DYNC1I1: variants seen among roughly 807,000 people sequenced by gnomAD.
DYNC1I1 encodes the protein dynein cytoplasmic 1 intermediate chain 1, also known as cytoplasmic dynein 1 intermediate chain 1.
DYNC1I1 carries 43 observed loss-of-function variants against 86.6 expected under a neutral mutation model. That is an observed-to-expected ratio of 0.50 (90% CI 0.39 to 0.64). The LOEUF (loss-of-function observed/expected upper bound fraction) is 0.64. Ranked by LOEUF, DYNC1I1 falls within the 30% of genes least tolerant of loss-of-function variation. DYNC1I1 has a pLI of 0.00. For missense variants in DYNC1I1, 604 were observed against 788.8 expected, an observed-to-expected ratio of 0.77 and a Z score of 2.81; for synonymous variants, 262 against 283.7, an observed-to-expected ratio of 0.92 and a Z score of 0.77.
intron 4 of DYNC1I1, among the ~76,000 whole-genome samples, chr7:95,827,195 T>C (rs1319035054): frequency 6.6e-6 from 1 of 152,162 alleles, no homozygotes; most frequent in African/African-American, 2.4e-5. Flanking sequence ...AGAGGTAAGA[T>C]TTGAATCACA....
rs772727968 is a variant in DYNC1I1 at position 95,926,560 on chromosome 7, AT to A, written c.491-50949del. ...GGTTTTGTTTTTTATTTTTAGATGT[AT>A]TTATTTTTTCCCTTTGAGAAGGTAC... On this transcript the variant is annotated intron_variant, in intron 6 of 16. Coordinates refer to ENST00000447467, the MANE Select transcript of DYNC1I1 (RefSeq NM_001135556.2). 7.2e-5 allele frequency among the ~76,000 whole-genome samples: 11 copies of A among 152,240 alleles called. No homozygotes were observed. In the South Asian group the frequency reaches 2.1e-3, roughly 29 times the overall value.
intron 10 of DYNC1I1, among the ~76,000 whole-genome samples, chr7:96,001,083 CAT>C (rs1225043661): frequency 2.0e-5 from 3 of 152,164 alleles, no homozygotes; most frequent in Non-Finnish European, 4.4e-5. Context: ...AATGTGCACA[CAT>C]GTTGTCAACA....
chr7:96,084,604 G>T (rs572346723), intron 16 of DYNC1I1, among the ~76,000 whole-genome samples: 3 of 152,068 alleles, frequency 2.0e-5, no homozygotes, highest in South Asian at 4.1e-4. Flanking sequence ...TGTATTTTTA[G>T]TAGAGACAGG....
At position 96,080,308 on chromosome 7, in the gene DYNC1I1, T is replaced by C. The variant is rs180827299; in HGVS notation, c.1651-55T>C. The C allele has an allele frequency of 3.9e-6, 6 of 1,521,814 alleles. No individual in the cohort carries two copies. In the African/African-American group the frequency reaches 5.6e-5, roughly 14 times the overall value. The allele number at this position is 1,521,814 out of a possible 1,614,324, so 94.3% of individuals were successfully genotyped here. ...AGTTAAACGTATTATTGTAAATTTG[T>C]ATATTTAAATTCATATTCAGAGATT... On this transcript the variant is annotated intron_variant, in intron 15 of 16. Transcript: ENST00000447467.
chr7:95,909,242 G>A (rs1186509846), intron 6 of DYNC1I1, among the ~76,000 whole-genome samples: 12 of 39,698 alleles, frequency 3.0e-4, no homozygotes, highest in Non-Finnish European at 5.3e-4. Flanking sequence ...TGGGAGGGGG[G>A]TGGGGGGGGG....
intron 6 of DYNC1I1, among the ~76,000 whole-genome samples, chr7:95,931,572 T>C (rs1175663868): frequency 2.0e-5 from 3 of 152,224 alleles, no homozygotes; most frequent in Non-Finnish European, 2.9e-5. Context: ...CTAGTTTGTA[T>C]TGTTCTAGTT....
intron 14 of DYNC1I1, among the ~76,000 whole-genome samples, chr7:96,068,614 A>G (rs1283030988): frequency 2.6e-5 from 4 of 152,170 alleles, no homozygotes; most frequent in Non-Finnish European, 1.5e-5. Flanking sequence ...AAAACATAAA[A>G]TCTTCTAAAT....
rs150428189 is a variant in DYNC1I1, at chr7:95,946,460, TAA to T, written c.491-31050_491-31049del. On this transcript the variant is annotated intron_variant, in intron 6 of 16. Coordinates refer to ENST00000447467, the MANE Select transcript of DYNC1I1 (RefSeq NM_001135556.2). ...AAGTAAACATGTAGATAAATATAAC[TAA>T]ACTCTAAAAATGCCACCTCCTCCAC... Among the ~76,000 whole-genome samples, 1,065 of 152,254 alleles carry T rather than the reference TAA, an allele frequency of 7.0e-3. 14 individuals carry two copies. Among genetic ancestry groups the T allele is most frequent in the African/African-American group, 0.024 (1,002 of 41,542 alleles).
chr7:95,969,502 A>G (rs1315272027), intron 6 of DYNC1I1, among the ~76,000 whole-genome samples: 2 of 152,198 alleles, frequency 1.3e-5, no homozygotes, highest in East Asian at 1.9e-4. Flanking sequence ...AAACTGCTGA[A>G]GGTATCCACA....
intron 5 of DYNC1I1, among the ~76,000 whole-genome samples, chr7:95,858,839 G>A (rs2706861): frequency 0.93 from 139,444 of 149,302 alleles, 65,597 homozygotes; most frequent in Non-Finnish European, 0.99. Flanking sequence ...ATTCTATTCT[G>A]TGAATCCCAT....
At chr7:96,034,988 G>T (rs1489423060) in intron 12 of DYNC1I1, among the ~76,000 whole-genome samples, 1 of 152,036 alleles carries the variant, frequency 6.6e-6, no homozygotes, top group African/African-American at 2.4e-5. Flanking sequence ...TTTAAGATTA[G>T]GAATCTTTAA....
downstream of DYNC1I1, among the ~76,000 whole-genome samples, chr7:96,099,794 C>T (rs1031628850): frequency 6.6e-6 from 1 of 152,156 alleles, no homozygotes; most frequent in Non-Finnish European, 1.5e-5. Context: ...TGGGAATGAA[C>T]ATAAACATTC....
chr7:96,076,053 A>G lies in DYNC1I1; in HGVS notation c.1510-4A>G, dbSNP rs759561637. 2.6e-5 allele frequency: 42 copies of G among 1,613,290 alleles called. No individual in the cohort carries two copies. Among genetic ancestry groups the G allele is most frequent in the Non-Finnish European group, 3.5e-5 (41 of 1,179,496 alleles). On this transcript the variant is annotated splice_region_variant and splice_polypyrimidine_tract_variant and intron_variant, in intron 14 of 16. Coordinates refer to ENST00000447467, the MANE Select transcript of DYNC1I1 (RefSeq NM_001135556.2). ...AAAGTCTTCACGGTCTCTCTGCTTT[A>G]CAGCACAACAAGCCGCTCTACTCCT...
chr7:96,028,404 T>G, intron 11 of DYNC1I1, 83 bp downstream of exon 11: 1 of 1,507,978 alleles, frequency 6.6e-7, no homozygotes, highest in Non-Finnish European at 8.9e-7. Context: ...TATGGATGTT[T>G]TCAGTAATGC....
chr7:95,865,285 A>T (rs1789987889), intron 5 of DYNC1I1, among the ~76,000 whole-genome samples: 1 of 152,226 alleles, frequency 6.6e-6, no homozygotes, highest in African/African-American at 2.4e-5. Flanking sequence ...TTAAAGTTTC[A>T]ATAAACCCTT....
intron 16 of DYNC1I1, among the ~76,000 whole-genome samples, chr7:96,095,038 C>T (rs1487786700): frequency 6.6e-6 from 1 of 152,122 alleles, no homozygotes; most frequent in African/African-American, 2.4e-5. Context: ...GAGGGTGAAT[C>T]TATATTTCTA....
intron 9 of DYNC1I1, among the ~76,000 whole-genome samples, chr7:95,991,901 C>T (rs1793739325): frequency 6.6e-6 from 1 of 152,148 alleles, no homozygotes; most frequent in Non-Finnish European, 1.5e-5. Flanking sequence ...CACTCTGTCA[C>T]CCTAGCTGGA....
intron 6 of DYNC1I1, among the ~76,000 whole-genome samples, chr7:95,883,127 A>G (rs749113545): frequency 1.3e-5 from 2 of 152,338 alleles, no homozygotes; most frequent in Middle Eastern, 3.4e-3. Flanking sequence ...AGCACCTTTT[A>G]TCAACTCATT....
intron 7 of DYNC1I1, among the ~76,000 whole-genome samples, chr7:95,982,473 C>T (rs947358336): frequency 5.9e-5 from 9 of 151,794 alleles, no homozygotes; most frequent in African/African-American, 2.2e-4. Flanking sequence ...AAGCTGAGAT[C>T]AAAGTGACAA....
Sources: gnomAD v4.1 joint callset for allele counts (sites outside exome capture counted in the v4.1 genomes callset) on GRCh38, gnomAD v4.1.1 for gene constraint, MANE v1.5 for transcripts, NCBI Gene and HGNC (gene_info 2026-07-23, HGNC 2026-07-21) for gene names.